The following MAFK variants were observed in gnomAD, a reference collection of about 807,000 sequenced individuals.
MAFK encodes transcription factor MafK.
Under a neutral mutation model 9.2 loss-of-function variants are expected in MAFK, and 1 was observed. That is an observed-to-expected ratio of 0.11 (90% CI 0.04 to 0.52). MAFK has a LOEUF of 0.52. MAFK is among the 20% of genes least tolerant of loss of function. The pLI is 0.94. For missense variants in MAFK, 207 were observed against 236.0 expected (o/e 0.88, Z 0.81); for synonymous variants, 110 against 107.4 (o/e 1.02, Z -0.15).
chr7:1,534,699 A>G lies in MAFK; in HGVS notation c.-45+3801A>G, dbSNP rs1410998014. ...GGTGGGGCATGGAGTCTGTGTCATC[A>G]TTCACCCCTTGGGCAAGAACAAGTG... On this transcript the variant is annotated intron_variant, in intron 1 of 2. Coordinates refer to ENST00000343242, the MANE Select transcript of MAFK (RefSeq NM_002360.4). This position sits in a 1 kb window ranked among gnomAD's most constrained non-coding sequence, Gnocchi z 4.3. The G allele has an allele frequency of 4.4e-6, 2 of 454,296 alleles. No homozygotes were observed. Among genetic ancestry groups the G allele is most frequent in the South Asian group, 1.6e-5 (1 of 64,474 alleles). The allele number at this position is 454,296 out of a possible 1,614,324, so 28.1% of individuals were successfully genotyped here.
chr7:1,538,761 C>A (rs1784100958), intron 1 of MAFK: 2 of 219,990 alleles, frequency 9.1e-6, no homozygotes, highest in African/African-American at 4.8e-5. Context: ...CAGGGAGAGT[C>A]AGAACAGGAA....
intron 1 of MAFK, among the ~76,000 whole-genome samples, chr7:1,536,000 A>T (rs1445985089): frequency 6.6e-6 from 1 of 152,140 alleles, no homozygotes. Flanking sequence ...AGCCTTGTTT[A>T]GTTCTGCGTC....
intron 1 of MAFK, 133 bp from the exon 2 acceptor site, chr7:1,539,016 C>G (rs1562546483): frequency 2.8e-6 from 2 of 709,588 alleles, no homozygotes; most frequent in Non-Finnish European, 4.9e-6. Context: ...CCGGATGGTG[C>G]CCCGTCTTGT....
intron 1 of MAFK, among the ~76,000 whole-genome samples, chr7:1,537,086 C>T (rs1475302205): frequency 6.6e-6 from 1 of 152,262 alleles, no homozygotes; most frequent in Non-Finnish European, 1.5e-5. Context: ...CCTCCTGGGG[C>T]GCCCCCGGCT....
chr7:1,539,280 C>T, intron 2 of MAFK, 52 bp downstream of exon 2: 2 of 1,470,554 alleles, frequency 1.4e-6, no homozygotes, highest in Non-Finnish European at 1.9e-6. Context: ...TGGGAAAGGC[C>T]CCCGGCCCGA....
intron 1 of MAFK, among the ~76,000 whole-genome samples, 165 bp downstream of exon 1, chr7:1,531,063 G>A (rs1429268946): frequency 6.8e-6 from 1 of 147,532 alleles, no homozygotes; most frequent in Non-Finnish European, 1.5e-5. Context: ...CCGCGGCGCG[G>A]CCCGGGCACC....
At position 1,540,544 on chromosome 7, in the gene MAFK, G is replaced by T. The variant is rs1358491735; in HGVS notation, c.*169G>T. On this transcript the variant is annotated 3_prime_UTR_variant, in exon 3 of 3. Coordinates refer to ENST00000343242, the MANE Select transcript of MAFK (RefSeq NM_002360.4). Reference sequence around the variant, plus strand: ...AAGAGACTGTATTGCAGGGTGAAGAGTGGGCTCCCGTGGGCCCAGAGCTGC... The same window carrying T: ...AAGAGACTGTATTGCAGGGTGAAGATTGGGCTCCCGTGGGCCCAGAGCTGC... 7.3e-6 allele frequency: 5 copies of T among 682,710 alleles called. No homozygotes were observed. Among genetic ancestry groups the T allele is most frequent in the Non-Finnish European group, 1.2e-5 (5 of 421,216 alleles). 42.3% of individuals were successfully genotyped at this position (682,710 alleles called of 1,614,324 possible).
Position 1,531,852 on chromosome 7 carries a change from G to A in MAFK, c.-45+954G>A, listed in dbSNP as rs753712392. ...TCTCGCGCTCACACCGTGTGTGTCC[G>A]TGTTCGCGGGGCCTCCCGTGTCCCT... On this transcript the variant is annotated intron_variant, in intron 1 of 2. Transcript: ENST00000343242. Among the ~76,000 whole-genome samples the A allele has an allele frequency of 3.8e-4, 58 of 152,324 alleles. No homozygotes were observed. In the Middle Eastern group the frequency reaches 0.014, roughly 36 times the overall value.
In MAFK at chr7:1,540,117, G is replaced by A. The variant is rs1318914254; in HGVS notation, c.213G>A (p.Lys71=). Residue 71 remains lysine (K), a synonymous_variant, in exon 3 of 3, where the codon AAG becomes AAA. Coordinates refer to ENST00000343242, the MANE Select transcript of MAFK (RefSeq NM_002360.4). ...GCTACGCGGCCAGCTGCCGCATCAA[G>A]CGGGTGACGCAGAAGGAGGAGCTGG... is the stretch of plus-strand genomic sequence containing the variant. The part of the protein sequence containing the change: ...NRGYAASCRI[K]RVTQKEELER... 6.4e-7 allele frequency: 1 copy of A among 1,573,634 alleles called. No homozygotes were observed.
At chr7:1,539,296 C>A in intron 2 of MAFK, 68 bp downstream of exon 2, 1 of 1,348,586 alleles carries the variant, frequency 7.4e-7, no homozygotes, top group Non-Finnish European at 1.0e-6. Context: ...CCCGACAGCC[C>A]CTGCTATCCC....
In MAFK at chr7:1,540,054, C is replaced by G. The variant is rs1431011699; in HGVS notation, c.150C>G (p.Thr50=). Reference sequence around the variant, plus strand: ...GGGGTCTCACCAAGGAGGAGGTGACCCGCCTGAAGCAGCGTCGGCGCACAC... The same window carrying G: ...GGGGTCTCACCAAGGAGGAGGTGACGCGCCTGAAGCAGCGTCGGCGCACAC... ...HLRGLTKEEV[T]RLKQRRRTLK... The change falls in exon 3 of 3, where the codon ACC becomes ACG. Residue 50 remains threonine, a synonymous_variant. Coordinates refer to ENST00000343242, the MANE Select transcript of MAFK (RefSeq NM_002360.4). The G allele has an allele frequency of 6.4e-7, 1 of 1,558,870 alleles. No homozygotes were observed. The highest frequency in any genetic ancestry group is 8.7e-7 in the Non-Finnish European group (1 of 1,151,492).
Position 1,538,965 on chromosome 7 carries a change from G to C in MAFK, c.-44-184G>C, listed in dbSNP as rs1481075441. On this transcript the variant is annotated intron_variant, in intron 1 of 2. Transcript: ENST00000343242. ...CAGGCAGGGACAGAGGCCGGGCCAG[G>C]ATGCCTCACCCCCTGGGAAGCCCCT... 6 of 578,116 alleles carry C rather than the reference G, an allele frequency of 1.0e-5. No individual in the cohort carries two copies. The South Asian group carries it at 1.3e-4, about 12-fold the overall frequency. The allele number at this position is 578,116 out of a possible 1,614,324, so 35.8% of individuals were successfully genotyped here. A position where few individuals can be genotyped will look rare whatever the true frequency, so the allele number is the denominator to read the frequency against.
chr7:1,539,104 C>T (rs928625782), intron 1 of MAFK, 45 bp from the exon 2 acceptor site: 12 of 1,515,854 alleles, frequency 7.9e-6, no homozygotes, highest in Admixed American at 5.1e-5. Flanking sequence ...CCGGCGCTGC[C>T]GGCCCTGACC....
At chr7:1,536,396 G>C (rs188608268) in intron 1 of MAFK, among the ~76,000 whole-genome samples, 148 of 152,334 alleles carry the variant, frequency 9.7e-4, no homozygotes, top group African/African-American at 3.2e-3. Flanking sequence ...GTGCTGACCA[G>C]GTGCTAATGC....
rs747766733 is a variant in MAFK at position 1,540,755 on chromosome 7, T to TCTAG, written c.*382_*385dup. On this transcript the variant is annotated 3_prime_UTR_variant, in exon 3 of 3. Transcript: ENST00000343242. ...CAGGAGTCAGGCCCCTGTGGTCAGG[T>TCTAG]CTAGCATGGGGCTTGTTTTCCACTC... The TCTAG allele has an allele frequency of 4.9e-5, 11 of 225,822 alleles. No homozygotes were observed. The highest frequency in any genetic ancestry group is 8.6e-5 in the Non-Finnish European group (10 of 115,742). The allele number at this position is 225,822 out of a possible 1,614,324, so 14.0% of individuals were successfully genotyped here. A position where few individuals can be genotyped will look rare whatever the true frequency, so the allele number is the denominator to read the frequency against.
At position 1,534,729 on chromosome 7, in the gene MAFK, A is replaced by G. The variant is rs1286176508; in HGVS notation, c.-45+3831A>G. 1 of 438,014 alleles carries G rather than the reference A, an allele frequency of 2.3e-6. No individual in the cohort carries two copies. The highest frequency in any genetic ancestry group is 4.7e-6 in the Non-Finnish European group (1 of 212,948). The allele number at this position is 438,014 out of a possible 1,614,324, so 27.1% of individuals were successfully genotyped here. On this transcript the variant is annotated intron_variant, in intron 1 of 2. Transcript: ENST00000343242. This position sits in a 1 kb window ranked among gnomAD's most constrained non-coding sequence, Gnocchi z 4.3. Reference sequence around the variant, plus strand: ...CCCCTTGGGCAAGAACAAGTGACCCATCCAGAGCCCCCATGCTGGCCTCGT... The same window carrying G: ...CCCCTTGGGCAAGAACAAGTGACCCGTCCAGAGCCCCCATGCTGGCCTCGT...
chr7:1,530,773 C>G lies in MAFK; in HGVS notation c.-170C>G, dbSNP rs1783882645. ...GCGCGGGGGCACTTGTTGTTCTTCG[C>G]GAAGTCGGAGCCCGAGCGCCAGGCG... is the stretch of plus-strand genomic sequence containing the variant. On this transcript the variant is annotated 5_prime_UTR_variant, in exon 1 of 3. Transcript: ENST00000343242. 6.7e-6 allele frequency: 1 copy of G among 148,926 alleles called. No individual in the cohort carries two copies. Among genetic ancestry groups the G allele is most frequent in the South Asian group, 1.8e-4 (1 of 5,658 alleles). 9.2% of individuals were successfully genotyped at this position (148,926 alleles called of 1,614,324 possible).
intron 2 of MAFK, among the ~76,000 whole-genome samples, chr7:1,539,453 G>T (rs1263700427): frequency 6.6e-6 from 1 of 152,172 alleles, no homozygotes; most frequent in Non-Finnish European, 1.5e-5. Flanking sequence ...GCGTGGCAGG[G>T]TCTGCTGCCT....
rs1189606795 is a variant in MAFK at position 1,541,962 on chromosome 7, A to C, written c.*1587A>C. The stretch of plus-strand genomic sequence containing the variant: ...GGCTCCTTCTCGGCTGCCCCTGCCC[A>C]CCCAGTAACAGCCCCCACCAGCTAC... On this transcript the variant is annotated 3_prime_UTR_variant, in exon 3 of 3. Coordinates refer to ENST00000343242, the MANE Select transcript of MAFK (RefSeq NM_002360.4). 1 of 152,148 alleles carries C rather than the reference A, an allele frequency of 6.6e-6. No individual in the cohort carries two copies. The highest frequency in any genetic ancestry group is 1.5e-5 in the Non-Finnish European group (1 of 68,066). The allele number at this position is 152,148 out of a possible 1,614,324, so 9.4% of individuals were successfully genotyped here.
Sources: allele counts gnomAD v4.1 joint callset (sites outside exome capture counted in the v4.1 genomes callset), GRCh38; gene constraint gnomAD v4.1.1; non-coding constraint Gnocchi (gnomAD v3.1); transcripts MANE v1.5; gene names NCBI Gene and HGNC (gene_info 2026-07-23, HGNC 2026-07-21).